KIAA1328: variants seen among roughly 807,000 people sequenced by gnomAD.
KIAA1328 encodes the protein protein hinderin.
KIAA1328 carries 52 observed loss-of-function variants against 68.1 expected under a neutral mutation model. That is an observed-to-expected ratio of 0.76 (90% CI 0.61 to 0.96). The LOEUF is 0.96. Among genes scored for constraint, KIAA1328 ranks in the 40% least tolerant of loss-of-function variants. The probability of loss-of-function intolerance (pLI) is 0.00; values close to 1 mark genes in which losing one functional copy is unlikely to be tolerated. For synonymous variants in KIAA1328, 232 were observed against 239.4 expected (o/e 0.97, Z 0.28); for missense variants, 641 against 677.6 (o/e 0.95, Z 0.60).
intron 5 of KIAA1328, among the ~76,000 whole-genome samples, chr18:36,934,387 G>A (rs2050423578): frequency 6.6e-6 from 1 of 151,892 alleles, no homozygotes; most frequent in African/African-American, 2.4e-5. Flanking sequence ...GTATACATGT[G>A]CCATGCTGGT....
In KIAA1328 at chr18:37,038,686, A is replaced by G. The variant is rs57188581; in HGVS notation, c.577-28204A>G. ...ATGTTTCACTTTCTTTTCATAATGT[A>G]TGTCTTTTTTTTTCTTGCCTTATTG... On this transcript the variant is annotated intron_variant, in intron 6 of 9. Coordinates refer to ENST00000280020, the MANE Select transcript of KIAA1328 (RefSeq NM_020776.3). Among the ~76,000 whole-genome samples the G allele has an allele frequency of 3.1e-3, 477 of 152,128 alleles. 3 individuals are homozygous for G. The highest frequency in any genetic ancestry group is 0.011 in the African/African-American group (456 of 41,516).
chr18:37,201,174 T>C (rs966097970), intron 9 of KIAA1328, among the ~76,000 whole-genome samples: 6 of 152,212 alleles, frequency 3.9e-5, no homozygotes, highest in African/African-American at 1.2e-4. Context: ...AATTCCATGA[T>C]TATAATTTTC....
intron 7 of KIAA1328, among the ~76,000 whole-genome samples, chr18:37,093,495 T>C (rs1046216846): frequency 1.3e-5 from 2 of 152,058 alleles, no homozygotes; most frequent in Non-Finnish European, 2.9e-5. Context: ...AAGAATCCAA[T>C]GAATAACATT....
At chr18:37,009,129 G>A (rs1010616664) in intron 6 of KIAA1328, among the ~76,000 whole-genome samples, 12 of 152,176 alleles carry the variant, frequency 7.9e-5, no homozygotes, top group African/African-American at 2.4e-4. Context: ...AGTCAAGAAT[G>A]TCAATTTAAA....
chr18:37,202,137 C>T (rs778410489), intron 9 of KIAA1328, among the ~76,000 whole-genome samples: 73 of 131,244 alleles, frequency 5.6e-4, no homozygotes, highest in Admixed American at 1.0e-3. Context: ...GTAAATGCTT[C>T]CATTTTTTTT....
chr18:36,947,369 T>C (rs1369106629), intron 5 of KIAA1328, among the ~76,000 whole-genome samples: 1 of 152,110 alleles, frequency 6.6e-6, no homozygotes, highest in African/African-American at 2.4e-5. Context: ...ACAGCTTGAT[T>C]TTATACATTT....
downstream of KIAA1328, among the ~76,000 whole-genome samples, chr18:37,226,027 A>C (rs886093366): frequency 1.3e-5 from 2 of 152,076 alleles, no homozygotes; most frequent in Non-Finnish European, 2.9e-5. Flanking sequence ...GATCCCCCCT[A>C]ATTTGAAAAA....
intron 7 of KIAA1328, among the ~76,000 whole-genome samples, chr18:37,100,130 G>GAGGTACCA (rs1022464729): frequency 6.6e-6 from 1 of 152,134 alleles, no homozygotes; most frequent in Non-Finnish European, 1.5e-5. Flanking sequence ...ATTTCCAACT[G>GAGGTACCA]AGGTACCAGG....
intron 6 of KIAA1328, among the ~76,000 whole-genome samples, chr18:36,964,222 C>T (rs1173080273): frequency 1.3e-5 from 2 of 152,280 alleles, no homozygotes; most frequent in Middle Eastern, 3.4e-3. Context: ...ATCTGACATA[C>T]AGATTTTTAA....
chr18:37,132,783 A>C (rs1050178106), intron 7 of KIAA1328, among the ~76,000 whole-genome samples: 3 of 152,200 alleles, frequency 2.0e-5, no homozygotes, highest in Non-Finnish European at 4.4e-5. Flanking sequence ...AGTTGCCTTT[A>C]GTTAACTGAA....
At chr18:37,166,349 C>T (rs1216118547) in intron 8 of KIAA1328, among the ~76,000 whole-genome samples, 12 of 152,142 alleles carry the variant, frequency 7.9e-5, no homozygotes, top group Non-Finnish European at 1.3e-4. Flanking sequence ...ACCCGCAGCC[C>T]GTGGGCCATA....
chr18:36,999,318 G>A (rs1391611485), intron 6 of KIAA1328, among the ~76,000 whole-genome samples: 1 of 152,150 alleles, frequency 6.6e-6, no homozygotes, highest in East Asian at 1.9e-4. Context: ...GTATTTTAAA[G>A]AGCAAAGCAG....
At chr18:37,117,561 G>A (rs1221116253) in intron 7 of KIAA1328, among the ~76,000 whole-genome samples, 10 of 152,072 alleles carry the variant, frequency 6.6e-5, no homozygotes, top group African/African-American at 2.2e-4. Flanking sequence ...GTTAATGGGT[G>A]CAACACACCA....
intron 7 of KIAA1328, among the ~76,000 whole-genome samples, chr18:37,076,184 C>G (rs1220518388): frequency 2.0e-5 from 3 of 152,220 alleles, no homozygotes; most frequent in Non-Finnish European, 4.4e-5. Context: ...GAAACTCACT[C>G]AAAACCACTC....
chr18:37,185,740 C>T (rs576306590), intron 9 of KIAA1328, among the ~76,000 whole-genome samples: 31 of 151,206 alleles, frequency 2.1e-4, no homozygotes, highest in African/African-American at 6.3e-4. Context: ...CACACACACA[C>T]GTACACACAC....
intron 7 of KIAA1328, among the ~76,000 whole-genome samples, chr18:37,127,527 A>T (rs1285618482): frequency 6.6e-6 from 1 of 152,136 alleles, no homozygotes; most frequent in Non-Finnish European, 1.5e-5. Flanking sequence ...TGGGCAATGT[A>T]GGGGGACCCT....
intron 9 of KIAA1328, among the ~76,000 whole-genome samples, chr18:37,179,666 A>C (rs944573241): frequency 4.6e-5 from 7 of 152,136 alleles, no homozygotes; most frequent in Non-Finnish European, 1.0e-4. Flanking sequence ...ATACTCTACC[A>C]ATCCCAGTCT....
intron 5 of KIAA1328, among the ~76,000 whole-genome samples, chr18:36,892,836 C>G (rs187410588): frequency 9.3e-4 from 142 of 152,244 alleles, no homozygotes; most frequent in Non-Finnish European, 1.9e-3. Context: ...GTTGTCTAAA[C>G]TATTCTTAAA....
At chr18:36,943,868 GAT>G (rs1332298158) in intron 5 of KIAA1328, among the ~76,000 whole-genome samples, 1 of 152,118 alleles carries the variant, frequency 6.6e-6, no homozygotes, top group Non-Finnish European at 1.5e-5. Flanking sequence ...CTAATCATGA[GAT>G]ATTATTCTCT....
Sources: gnomAD v4.1 joint callset for allele counts (sites outside exome capture counted in the v4.1 genomes callset) on GRCh38, gnomAD v4.1.1 for gene constraint, MANE v1.5 for transcripts, NCBI Gene and HGNC (gene_info 2026-07-23, HGNC 2026-07-21) for gene names.